Variants in GLS observed in about 807,000 individuals in gnomAD.
GLS encodes glutaminase, also known as glutaminase kidney isoform, mitochondrial.
GLS carries 36 observed loss-of-function variants against 86.7 expected under a neutral mutation model. The observed-to-expected ratio is 0.42, with a 90% CI of 0.32 to 0.55. GLS has a LOEUF of 0.55. Ranked by LOEUF, GLS falls within the 20% of genes least tolerant of loss-of-function variation. The probability of loss-of-function intolerance (pLI) is 0.17; values close to 1 mark genes in which losing one functional copy is unlikely to be tolerated. For synonymous variants in GLS, 317 were observed against 305.9 expected (o/e 1.04, Z -0.38); for missense variants, 528 against 833.4 (o/e 0.63, Z 4.51).
intron 3 of GLS, among the ~76,000 whole-genome samples, chr2:190,898,977 G>C (rs1022198331): frequency 2.6e-5 from 4 of 152,094 alleles, no homozygotes; most frequent in Non-Finnish European, 4.4e-5. Flanking sequence ...AATGGTAGTA[G>C]GTTAATAATT....
rs1246994664 is a variant in GLS at position 190,895,422 on chromosome 2, GA to G, written c.484-177del. 1 of 550,580 alleles carries G rather than the reference GA, an allele frequency of 1.8e-6. No individual in the cohort carries two copies. The highest frequency in any genetic ancestry group is 3.2e-6 in the Non-Finnish European group (1 of 314,956). 34.1% of individuals were successfully genotyped at this position (550,580 alleles called of 1,614,324 possible). On this transcript the variant is annotated intron_variant, in intron 2 of 17. Transcript: ENST00000320717. This position sits in a 1 kb window ranked among gnomAD's most constrained non-coding sequence, Gnocchi z 4.2. Reference sequence around the variant, plus strand: ...GCTCATTTCAAGGTAATCAGTGAAAGAAAAAGAAAGAAACAATGAGAAACTT... The same window carrying G: ...GCTCATTTCAAGGTAATCAGTGAAAGAAAAGAAAGAAACAATGAGAAACTT...
chr2:190,908,914 TACTC>T (rs1183754497), intron 6 of GLS, among the ~76,000 whole-genome samples: 2 of 152,222 alleles, frequency 1.3e-5, no homozygotes, highest in African/African-American at 2.4e-5. Flanking sequence ...AAATATTTAA[TACTC>T]ACATTTATGT....
Position 190,880,945 on chromosome 2 carries a change from G to A in GLS, c.-140G>A, listed in dbSNP as rs1688130166. 3.7e-6 allele frequency: 4 copies of A among 1,077,616 alleles called. No individual in the cohort carries two copies. In the South Asian group the frequency reaches 4.1e-5, roughly 11 times the overall value. The allele number at this position is 1,077,616 out of a possible 1,614,324, so 66.8% of individuals were successfully genotyped here. On this transcript the variant is annotated 5_prime_UTR_variant, in exon 1 of 18. Transcript: ENST00000320717. ...ACCCGCATCCGCTGCGGGAGTCCGA[G>A]CCGGAACCACACCCAAGTAGCTGCC...
chr2:190,881,222 G>A lies in GLS; in HGVS notation c.138G>A (p.Ala46=), dbSNP rs1456278900. The A allele has an allele frequency of 8.8e-6, 11 of 1,245,112 alleles. No individual in the cohort carries two copies. The highest frequency in any genetic ancestry group is 1.0e-5 in the Non-Finnish European group (10 of 998,056). The allele number at this position is 1,245,112 out of a possible 1,614,324, so 77.1% of individuals were successfully genotyped here. The change falls in exon 1 of 18, where the codon GCG becomes GCA. Residue 46 remains alanine, a synonymous_variant. Coordinates refer to ENST00000320717, the MANE Select transcript of GLS (RefSeq NM_014905.5). ...CCCGAGGCGGGGGACGGCCGGCCGCGGGCCCGGCTGCCGCCGCGCGACTCC... is the reference window on the plus strand; with the variant it reads ...CCCGAGGCGGGGGACGGCCGGCCGCAGGCCCGGCTGCCGCCGCGCGACTCC... ...RRPRGGGRPA[A]GPAAAARLHP...
intron 1 of GLS, among the ~76,000 whole-genome samples, chr2:190,884,199 T>TAAAAG (rs1360458540): frequency 6.6e-6 from 1 of 152,226 alleles, no homozygotes; most frequent in Non-Finnish European, 1.5e-5. Flanking sequence ...CTGAGGCCTT[T>TAAAAG]GTCCCTTTCC....
chr2:190,945,147 A>C (rs531521143), intron 14 of GLS, among the ~76,000 whole-genome samples: 3 of 152,194 alleles, frequency 2.0e-5, no homozygotes, highest in Admixed American at 6.6e-5. Context: ...CAGCTCTGAT[A>C]CCTTGCTGAA....
At chr2:190,934,724 GGTT>G (rs753422426) in intron 14 of GLS, 79 of 974,934 alleles carry the variant, frequency 8.1e-5, no homozygotes, top group Non-Finnish European at 8.9e-5. Context: ...TTCAAAATTA[GGTT>G]GTTAATTTGT....
intron 14 of GLS, among the ~76,000 whole-genome samples, chr2:190,940,966 CACAA>C (rs1690411137): frequency 6.6e-6 from 1 of 152,048 alleles, no homozygotes; most frequent in Non-Finnish European, 1.5e-5. Flanking sequence ...TCAAACAGCA[CACAA>C]ACAGAATTAT....
chr2:190,913,472 A>G lies in GLS; in HGVS notation c.1038+3151A>G. ...TCTCTTTTTCTCTGTGGTAGCTACT[A>G]ACTTTAAAGGAATACTTTTTGTTGT... On this transcript the variant is annotated intron_variant, in intron 7 of 17. Coordinates refer to ENST00000320717, the MANE Select transcript of GLS (RefSeq NM_014905.5). The surrounding 1 kb of genome is among the most constrained non-coding windows in gnomAD (Gnocchi z 6.1). 1 of 969,638 alleles carries G rather than the reference A, an allele frequency of 1.0e-6. No homozygotes were observed. The highest frequency in any genetic ancestry group is 1.3e-6 in the Non-Finnish European group (1 of 798,632). The allele number at this position is 969,638 out of a possible 1,614,324, so 60.1% of individuals were successfully genotyped here.
chr2:190,921,177 T>C lies in GLS; in HGVS notation c.1104T>C (p.Asn368=), dbSNP rs1312773936. The C allele has an allele frequency of 1.9e-6, 3 of 1,608,784 alleles. No homozygotes were observed. Among genetic ancestry groups the C allele is most frequent in the Non-Finnish European group, 2.6e-6 (3 of 1,175,548 alleles). ...AGTTTTTGAATAAGATGGCTGGTAA[T>C]GAATATGTTGGATTCAGTAATGCAA... is the stretch of plus-strand genomic sequence containing the variant. ...VMQFLNKMAG[N]EYVGFSNATF... The change falls in exon 9 of 18, where the codon AAT becomes AAC. Residue 368 remains asparagine, a synonymous_variant. Coordinates refer to ENST00000320717, the MANE Select transcript of GLS (RefSeq NM_014905.5). The surrounding 1 kb of genome is among the most constrained non-coding windows in gnomAD (Gnocchi z 4.2).
At chr2:190,918,063 ACT>A (rs1174602391) in intron 7 of GLS, among the ~76,000 whole-genome samples, 2 of 151,924 alleles carry the variant, frequency 1.3e-5, no homozygotes, top group Admixed American at 1.3e-4. Context: ...ATTCTTAAGG[ACT>A]CTAGGGTTTT....
intron 14 of GLS, among the ~76,000 whole-genome samples, chr2:190,939,837 T>C (rs150822743): frequency 9.2e-4 from 139 of 151,910 alleles, no homozygotes; most frequent in Non-Finnish European, 2.8e-4. Context: ...TCTGTTGTTT[T>C]GTTCTTTCTC....
chr2:190,913,845 G>T lies in GLS; in HGVS notation c.1038+3524G>T. The T allele has an allele frequency of 2.0e-6, 1 of 499,598 alleles. No homozygotes were observed. The highest frequency in any genetic ancestry group is 2.6e-6 in the Non-Finnish European group (1 of 386,146). The allele number at this position is 499,598 out of a possible 1,614,324, so 30.9% of individuals were successfully genotyped here. On this transcript the variant is annotated intron_variant, in intron 7 of 17. Transcript: ENST00000320717. This position sits in a 1 kb window ranked among gnomAD's most constrained non-coding sequence, Gnocchi z 6.1. Reference sequence around the variant, plus strand: ...AGACAAGGTCTCTCTCTGTTGCCCAGTCTAAGTGCAGTGGTACAGTCATAA... The same window carrying T: ...AGACAAGGTCTCTCTCTGTTGCCCATTCTAAGTGCAGTGGTACAGTCATAA...
chr2:190,894,991 A>G (rs1688681335), intron 1 of GLS, among the ~76,000 whole-genome samples, 161 bp from the exon 2 acceptor site: 1 of 152,186 alleles, frequency 6.6e-6, no homozygotes, highest in Admixed American at 6.6e-5. Flanking sequence ...TTATAGTGGT[A>G]CTGATTTGAT....
rs748361033 is a variant in GLS, at chr2:190,897,948, G to A, written c.605+2223G>A. Among the ~76,000 whole-genome samples, 10 of 152,120 alleles carry A rather than the reference G, an allele frequency of 6.6e-5. No individual in the cohort carries two copies. Among genetic ancestry groups the A allele is most frequent in the Non-Finnish European group, 1.2e-4 (8 of 68,002 alleles). ...ATACGTTCTAAGCATACTTTTTGGA[G>A]TAAAACCTGTTCGAAAGTTGGAGAC... On this transcript the variant is annotated intron_variant, in intron 3 of 17. Coordinates refer to ENST00000320717, the MANE Select transcript of GLS (RefSeq NM_014905.5). This position sits in a 1 kb window ranked among gnomAD's most constrained non-coding sequence, Gnocchi z 4.3.
At chr2:190,934,228 T>C (rs997888610) in intron 14 of GLS, 11 of 959,792 alleles carry the variant, frequency 1.1e-5, no homozygotes, top group African/African-American at 8.8e-5. Flanking sequence ...AAAGTAAATA[T>C]AGTGTAGCAA....
intron 6 of GLS, among the ~76,000 whole-genome samples, chr2:190,906,905 A>G (rs1379494628): frequency 1.3e-5 from 2 of 151,720 alleles, no homozygotes; most frequent in Non-Finnish European, 2.9e-5. Flanking sequence ...ACTAATAGGG[A>G]TATGGTAAAT....
chr2:190,923,604 C>T (rs1387440311), intron 9 of GLS, among the ~76,000 whole-genome samples: 1 of 152,138 alleles, frequency 6.6e-6, no homozygotes, highest in Non-Finnish European at 1.5e-5. Context: ...TGCAGTTTTT[C>T]AGTGTATTTT....
intron 11 of GLS, among the ~76,000 whole-genome samples, chr2:190,926,143 G>A (rs183742022): frequency 6.5e-4 from 99 of 152,272 alleles, no homozygotes; most frequent in Non-Finnish European, 1.2e-3. Flanking sequence ...TAGCAGGAGA[G>A]TACCCGAGTT....
Sources: allele counts gnomAD v4.1 joint callset (sites outside exome capture counted in the v4.1 genomes callset), GRCh38; gene constraint gnomAD v4.1.1; non-coding constraint Gnocchi (gnomAD v3.1); transcripts MANE v1.5; gene names NCBI Gene and HGNC (gene_info 2026-07-23, HGNC 2026-07-21).